Variants in SCOC observed in about 807,000 individuals in gnomAD.
The protein encoded by SCOC is short coiled coil protein.
In SCOC, 7 loss-of-function variants were observed where a neutral mutation model predicts 9.9. The observed-to-expected ratio is 0.71, with a 90% CI of 0.40 to 1.33. The LOEUF (loss-of-function observed/expected upper bound fraction) is 1.33. Among genes scored for constraint, SCOC ranks in the 40% most tolerant of loss-of-function variants. The probability of loss-of-function intolerance (pLI) is 0.01; values close to 1 mark genes in which losing one functional copy is unlikely to be tolerated. For missense variants in SCOC, 66 were observed against 89.7 expected (o/e 0.74, Z 1.07); for synonymous variants, 19 against 28.2 (o/e 0.67, Z 1.03).
At chr4:140,318,953 A>C (rs1732414765) in intron 1 of SCOC, among the ~76,000 whole-genome samples, 1 of 152,086 alleles carries the variant, frequency 6.6e-6, no homozygotes, top group Admixed American at 6.6e-5. Context: ...CTGGTGCAGG[A>C]ACCTTTTTTC....
At chr4:140,281,967 A>G (rs1169820882) in intron 1 of SCOC, among the ~76,000 whole-genome samples, 3 of 152,150 alleles carry the variant, frequency 2.0e-5, no homozygotes, top group Admixed American at 2.0e-4. Flanking sequence ...TATCCTATAT[A>G]CATATAAATA....
chr4:140,285,972 G>T (rs980480882), intron 1 of SCOC, among the ~76,000 whole-genome samples: 1 of 152,118 alleles, frequency 6.6e-6, no homozygotes, highest in African/African-American at 2.4e-5. Flanking sequence ...ATCACCTGAG[G>T]TCAGGAGTTT....
At chr4:140,309,531 C>G (rs1195246170) in intron 1 of SCOC, among the ~76,000 whole-genome samples, 1 of 152,302 alleles carries the variant, frequency 6.6e-6, no homozygotes, top group Admixed American at 6.5e-5. Context: ...CAGGCACATC[C>G]TTTTACAATC....
At chr4:140,354,434 T>C (rs1338491960) in intron 2 of SCOC, among the ~76,000 whole-genome samples, 1 of 152,052 alleles carries the variant, frequency 6.6e-6, no homozygotes, top group African/African-American at 2.4e-5. Flanking sequence ...CCAGTGTCTC[T>C]CTGTGAAATA....
chr4:140,283,843 C>T (rs753109726), intron 1 of SCOC: 10 of 152,186 alleles, frequency 6.6e-5, no homozygotes, highest in Non-Finnish European at 1.3e-4. Context: ...AATATATCCT[C>T]ACCCATAACA....
At chr4:140,286,302 C>G (rs550751563) in intron 1 of SCOC, among the ~76,000 whole-genome samples, 1 of 151,752 alleles carries the variant, frequency 6.6e-6, no homozygotes, top group Non-Finnish European at 1.5e-5. Flanking sequence ...ACCAGCCCAC[C>G]GTTTTTACTG....
chr4:140,316,315 T>C (rs1219126330), intron 1 of SCOC, among the ~76,000 whole-genome samples: 1 of 152,112 alleles, frequency 6.6e-6, no homozygotes, highest in East Asian at 1.9e-4. Context: ...CAATAACGAC[T>C]TCCTAGAAGG....
At chr4:140,375,462 A>T (rs1190436151) in intron 1 of SCOC, among the ~76,000 whole-genome samples, 1 of 152,216 alleles carries the variant, frequency 6.6e-6, no homozygotes. Context: ...TATAAATTGC[A>T]GAGCTAGGAT....
chr4:140,371,375 T>C (rs979889686), upstream of SCOC, among the ~76,000 whole-genome samples: 2 of 152,238 alleles, frequency 1.3e-5, no homozygotes, highest in African/African-American at 4.8e-5. Context: ...GCTTTTCTTC[T>C]AAAAGTTTAG....
chr4:140,334,438 G>T (rs1167721273), intron 1 of SCOC, among the ~76,000 whole-genome samples: 2 of 151,926 alleles, frequency 1.3e-5, no homozygotes, highest in Non-Finnish European at 2.9e-5. Context: ...TACTGAAATT[G>T]AATCCATAAT....
intron 1 of SCOC, among the ~76,000 whole-genome samples, chr4:140,322,361 T>C (rs909434781): frequency 2.0e-5 from 3 of 152,062 alleles, no homozygotes; most frequent in Admixed American, 1.3e-4. Flanking sequence ...AACAGAGGTG[T>C]AGGAAAAGCC....
At chr4:140,373,328 C>A, upstream of SCOC, 1 of 1,407,420 alleles carries the variant, frequency 7.1e-7, no homozygotes, top group Non-Finnish European at 9.2e-7. Flanking sequence ...CACTGGGATT[C>A]TCACTCCAAT....
At chr4:140,371,672 T>C (rs1207511578), upstream of SCOC, among the ~76,000 whole-genome samples, 1 of 152,190 alleles carries the variant, frequency 6.6e-6, no homozygotes, top group Non-Finnish European at 1.5e-5. Context: ...TTTCTTTTTG[T>C]CTATTCTTGT....
intron 1 of SCOC, among the ~76,000 whole-genome samples, chr4:140,316,379 T>C (rs559265968): frequency 1.3e-5 from 2 of 152,266 alleles, no homozygotes; most frequent in African/African-American, 4.8e-5. Context: ...ACCCATTCTT[T>C]AGTTGTCTGT....
At chr4:140,310,783 A>C (rs540948458) in intron 1 of SCOC, among the ~76,000 whole-genome samples, 2 of 152,218 alleles carry the variant, frequency 1.3e-5, no homozygotes, top group East Asian at 3.9e-4. Context: ...TCTCCCCCCG[A>C]GGGTGGGTGT....
chr4:140,275,569 A>G (rs1730960503), intron 1 of SCOC, among the ~76,000 whole-genome samples: 1 of 152,190 alleles, frequency 6.6e-6, no homozygotes, highest in African/African-American at 2.4e-5. Flanking sequence ...GTTGTTGCAT[A>G]TTTTGAAAAA....
At chr4:140,355,816 C>G (rs9998334) in intron 2 of SCOC, among the ~76,000 whole-genome samples, 145,759 of 152,300 alleles carry the variant, frequency 0.96, 69,810 homozygotes, top group East Asian at 0.99. Flanking sequence ...GACTAGAATG[C>G]GAAGGGAACT....
At chr4:140,362,215 TA>T (rs1727518754) in intron 2 of SCOC, among the ~76,000 whole-genome samples, 1 of 150,446 alleles carries the variant, frequency 6.6e-6, no homozygotes, top group Non-Finnish European at 1.5e-5. Context: ...TCCTGGTAAT[TA>T]CTAATTTTAA....
At chr4:140,280,437 A>T (rs1046421189) in intron 1 of SCOC, among the ~76,000 whole-genome samples, 1 of 151,820 alleles carries the variant, frequency 6.6e-6, no homozygotes, top group African/African-American at 2.4e-5. Flanking sequence ...CCATGTTGTG[A>T]TTTTTTACTC....
Sources: gnomAD v4.1 joint callset for allele counts (sites outside exome capture counted in the v4.1 genomes callset) on GRCh38, gnomAD v4.1.1 for gene constraint, MANE v1.5 for transcripts, NCBI Gene and HGNC (gene_info 2026-07-23, HGNC 2026-07-21) for gene names.